Variants in SYNE2 observed in about 807,000 individuals in gnomAD.
SYNE2 encodes nesprin-2.
In SYNE2, 431 loss-of-function variants were observed where a neutral mutation model predicts 856.3. The ratio of observed to expected loss-of-function variants is 0.50; its 90% confidence interval spans 0.47 to 0.55. The LOEUF (loss-of-function observed/expected upper bound fraction) is 0.55. Ranked by LOEUF, SYNE2 falls within the 20% of genes least tolerant of loss-of-function variation. SYNE2 has a pLI of 0.00. For synonymous variants in SYNE2, 2,923 were observed against 2,872.3 expected, an observed-to-expected ratio of 1.02 and a Z score of -0.56; for missense variants, 8,129 against 8,023.2, an observed-to-expected ratio of 1.01 and a Z score of -0.50.
At chr14:63,813,427 A>G (rs143369778) in intron 1 of SYNE2, among the ~76,000 whole-genome samples, 31 of 152,294 alleles carry the variant, frequency 2.0e-4, no homozygotes, top group African/African-American at 6.0e-4. Context: ...CTTTCCTCCA[A>G]TGTCTAGCTA....
chr14:63,936,560 A>C (rs1000751319), intron 2 of SYNE2, among the ~76,000 whole-genome samples: 2 of 152,164 alleles, frequency 1.3e-5, no homozygotes, highest in African/African-American at 4.8e-5. Flanking sequence ...GCTGGTGCCA[A>C]AGCCTAAGGT....
chr14:64,214,344 C>T lies in SYNE2; in HGVS notation c.19207C>T (p.Arg6403Trp), dbSNP rs774345843. The change falls in exon 106 of 116, where the codon CGG becomes TGG. Residue 6403 changes from arginine to tryptophan, a missense_variant. Physicochemically the swap from Arg to Trp is moderately radical, Grantham distance 101. This residue lies in a region of SYNE2 where 5,410 missense variants were observed against 5,284.8 expected (regional missense o/e 1.02). Transcript: ENST00000555002. ...LCHLVAPGHE[R>W]SGCETPVSVD... Reference sequence around the variant, plus strand: ...TCATCTAGTGGCCCCAGGGCACGAGCGGTCTGGCTGCGAGACCCCTGTCAG... The same window carrying T: ...TCATCTAGTGGCCCCAGGGCACGAGTGGTCTGGCTGCGAGACCCCTGTCAG... 16 of 1,614,112 alleles carry T rather than the reference C, an allele frequency of 9.9e-6. No homozygotes were observed. The highest frequency in any genetic ancestry group is 4.5e-5 in the East Asian group (2 of 44,876).
intron 7 of SYNE2, among the ~76,000 whole-genome samples, chr14:63,954,169 AG>A (rs1233106049): frequency 3.9e-5 from 6 of 152,178 alleles, no homozygotes; most frequent in Non-Finnish European, 5.9e-5. Flanking sequence ...ATGGGTTTTA[AG>A]CAGAGGAGTG....
At chr14:64,126,859 G>T in intron 73 of SYNE2, 52 bp downstream of exon 73, 1 of 1,563,202 alleles carries the variant, frequency 6.4e-7, no homozygotes, top group South Asian at 1.1e-5. Flanking sequence ...GTTACAGCAT[G>T]AACCCCTAAT....
At chr14:63,940,524 C>G in intron 2 of SYNE2, 90 bp from the exon 3 acceptor site, 1 of 1,171,002 alleles carries the variant, frequency 8.5e-7, no homozygotes, top group Non-Finnish European at 1.3e-6. Flanking sequence ...CAGGCACACA[C>G]CTAGCGTGAC....
intron 1 of SYNE2, among the ~76,000 whole-genome samples, chr14:63,772,703 A>G (rs1041819857): frequency 6.6e-6 from 1 of 151,902 alleles, no homozygotes; most frequent in African/African-American, 2.4e-5. Flanking sequence ...AGACCATTCC[A>G]CTGTACTCTA....
intron 1 of SYNE2, among the ~76,000 whole-genome samples, chr14:63,884,014 C>T (rs964293721): frequency 7.2e-5 from 11 of 152,114 alleles, no homozygotes; most frequent in Non-Finnish European, 7.3e-5. Context: ...AGCTGAGAAG[C>T]GGGCCCTTGG....
chr14:63,898,795 C>CTA, intron 1 of SYNE2, among the ~76,000 whole-genome samples: 1 of 152,180 alleles, frequency 6.6e-6, no homozygotes, highest in Non-Finnish European at 1.5e-5. Flanking sequence ...TACCCTAACA[C>CTA]TTGATTCGTA....
In SYNE2 at chr14:64,051,577, C is replaced by T. The variant is rs201297144; in HGVS notation, c.7664C>T (p.Thr2555Met). 7.4e-5 allele frequency: 119 copies of T among 1,613,036 alleles called. No homozygotes were observed. The highest frequency in any genetic ancestry group is 4.0e-4 in the East Asian group (18 of 44,886). Residue 2555 changes from threonine (T) to methionine (M), a missense_variant, in exon 48 of 116, where the codon ACG becomes ATG. By Grantham distance (81) the Thr-to-Met change is moderately conservative. This residue lies in a region of SYNE2 where 5,410 missense variants were observed against 5,284.8 expected (regional missense o/e 1.02). Transcript: ENST00000555002. ...SLKVGPLDSVTYLDKIKKFIA... is the reference protein window; with the variant it reads ...SLKVGPLDSVMYLDKIKKFIA... ...TCTAGAGGACCACTGGACAGTGTAA[C>T]GTATCTGGACAAAATTAAAAAATTC...
At chr14:64,024,053 T>C in intron 38 of SYNE2, 2 of 528,690 alleles carry the variant, frequency 3.8e-6, no homozygotes, top group East Asian at 3.5e-5. Flanking sequence ...TCTGTGTTAC[T>C]TTGCTTGATG....
chr14:64,163,474 C>G lies in SYNE2; in HGVS notation c.16372C>G (p.Gln5458Glu). The change falls in exon 89 of 116, where the codon CAA (glutamine) becomes GAA (glutamate). Residue 5458 changes from glutamine to glutamate, a missense_variant. Gln to Glu is a conservative substitution (Grantham distance 29). Transcript: ENST00000555002. Reference protein sequence around the residue: ...QNSSVLDRLPQPAESSTHMLL... With the variant: ...QNSSVLDRLPEPAESSTHMLL... ...TTCCAGTGTCCTGGATCGACTCCCA[C>G]AACCCGCAGAGTCCAGCACCCACAT... 1 of 1,614,196 alleles carries G rather than the reference C, an allele frequency of 6.2e-7. No homozygotes were observed. Among genetic ancestry groups the G allele is most frequent in the Non-Finnish European group, 8.5e-7 (1 of 1,180,042 alleles).
chr14:64,098,847 A>G (rs1194497242), intron 63 of SYNE2, 26 bp downstream of exon 63: 1 of 1,610,588 alleles, frequency 6.2e-7, no homozygotes, highest in Non-Finnish European at 8.5e-7. Flanking sequence ...TTCTTGTTAA[A>G]GTTTGTTAGA....
intron 100 of SYNE2, among the ~76,000 whole-genome samples, chr14:64,203,509 G>C (rs1035234594): frequency 6.6e-6 from 1 of 152,190 alleles, no homozygotes; most frequent in African/African-American, 2.4e-5. Context: ...TGGGCAGTTT[G>C]AAAGCTGCTG....
chr14:63,845,338 C>G (rs992690103), intron 1 of SYNE2, among the ~76,000 whole-genome samples: 3 of 151,804 alleles, frequency 2.0e-5, no homozygotes, highest in African/African-American at 7.3e-5. Context: ...ATCACTTGAA[C>G]CCAGGAGGCA....
rs368253284 is a variant in SYNE2, at chr14:64,052,534, A to G, written c.8621A>G (p.His2874Arg). 35 of 1,614,052 alleles carry G rather than the reference A, an allele frequency of 2.2e-5. 1 individual carries two copies. The highest frequency in any genetic ancestry group is 8.0e-5 in the African/African-American group (6 of 74,954). The change falls in exon 48 of 116, where the codon CAT (histidine) becomes CGT (arginine). Residue 2874 changes from histidine (H) to arginine (R), a missense_variant. Physicochemically the swap from His to Arg is conservative, Grantham distance 29. This residue lies in a region of SYNE2 where 5,410 missense variants were observed against 5,284.8 expected (regional missense o/e 1.02). Coordinates refer to ENST00000555002, the MANE Select transcript of SYNE2 (RefSeq NM_182914.3). ...AATEAELKHH[H>R]VTLEASQKEL... ...ACGGAAGCTGAACTAAAACATCACC[A>G]TGTTACTTTGGAGGCATCTCAGAAG... is the stretch of plus-strand genomic sequence containing the variant.
chr14:63,783,997 A>G (rs1450376885), intron 1 of SYNE2, among the ~76,000 whole-genome samples: 1 of 152,214 alleles, frequency 6.6e-6, no homozygotes, highest in Non-Finnish European at 1.5e-5. Flanking sequence ...GGTAAAGAAC[A>G]CAGTTGCCCT....
chr14:64,022,612 A>G, intron 37 of SYNE2, 139 bp from the exon 38 acceptor site: 2 of 686,580 alleles, frequency 2.9e-6, no homozygotes, highest in Non-Finnish European at 2.7e-6. Context: ...TTAGCCCTCA[A>G]AATTGGGTTT....
chr14:63,772,670 G>A (rs1416892096), intron 1 of SYNE2, among the ~76,000 whole-genome samples: 1 of 151,634 alleles, frequency 6.6e-6, no homozygotes, highest in Non-Finnish European at 1.5e-5. Context: ...TTGAACCCGG[G>A]AGACAGAGGT....
At chr14:63,828,025 T>C (rs1595151373) in intron 1 of SYNE2, among the ~76,000 whole-genome samples, 1 of 144,926 alleles carries the variant, frequency 6.9e-6, no homozygotes, top group Admixed American at 7.0e-5. Flanking sequence ...AGTCTTCGTC[T>C]TTCAAAAAAA....
Sources: allele counts gnomAD v4.1 joint callset (sites outside exome capture counted in the v4.1 genomes callset), GRCh38; gene constraint gnomAD v4.1.1; regional missense constraint gnomAD v4.1.1; transcripts MANE v1.5; gene names NCBI Gene and HGNC (gene_info 2026-07-23, HGNC 2026-07-21).